The following RAD18 variants were observed in gnomAD, a reference collection of about 807,000 sequenced individuals.
RAD18 encodes RAD18 E3 ubiquitin protein ligase, also known as E3 ubiquitin-protein ligase RAD18.
In RAD18, 47 loss-of-function variants were observed where a neutral mutation model predicts 60.4. The ratio of observed to expected loss-of-function variants is 0.78; its 90% confidence interval spans 0.62 to 0.99. The LOEUF is 0.99. Ranked by LOEUF, RAD18 falls within the 50% of genes least tolerant of loss-of-function variation. RAD18 has a pLI of 0.00. For synonymous variants in RAD18, 225 were observed against 195.5 expected, an observed-to-expected ratio of 1.15 and a Z score of -1.26; for missense variants, 640 against 593.3, an observed-to-expected ratio of 1.08 and a Z score of -0.82.
Position 8,948,543 on chromosome 3 carries a change from A to T in RAD18, c.161T>A (p.Leu54Gln), listed in dbSNP as rs777525659. The T allele has an allele frequency of 6.2e-7, 1 of 1,613,010 alleles. No individual in the cohort carries two copies. Among genetic ancestry groups the T allele is most frequent in the Non-Finnish European group, 8.5e-7 (1 of 1,179,372 alleles). The change falls in exon 3 of 13, where the codon CTG becomes CAG. Residue 54 changes from leucine to glutamine, a missense_variant. Transcript: ENST00000264926. ...AGTTGGACACTGAGTTTTATAGGAC[A>T]GAAATTTTCTTATACAGAGAGAGCA... is the stretch of plus-strand genomic sequence containing the variant. Reference protein sequence around the residue: ...NYCSLCIRKFLSYKTQCPTCC... With the variant: ...NYCSLCIRKFQSYKTQCPTCC...
chr3:8,961,021 G>A (rs964690682), intron 1 of RAD18, among the ~76,000 whole-genome samples: 1 of 152,122 alleles, frequency 6.6e-6, no homozygotes, highest in Admixed American at 6.5e-5. Context: ...AAATCTAAAG[G>A]GTTATGTTCA....
Position 8,958,977 on chromosome 3 carries a change from C to T in RAD18, c.76G>A (p.Gly26Arg). Reference sequence around the variant, plus strand: ...ATGTTGAAATACTCGAAGCAAATTCCACACCGCAGCAAATCATCTATTGTC... The same window carrying T: ...ATGTTGAAATACTCGAAGCAAATTCTACACCGCAGCAAATCATCTATTGTC... Reference protein sequence around the residue: ...MKTIDDLLRCGICFEYFNIAM... With the variant: ...MKTIDDLLRCRICFEYFNIAM... The change falls in exon 2 of 13, where the codon GGA (glycine) becomes AGA (arginine). Residue 26 changes from glycine (G) to arginine (R), a missense_variant. By Grantham distance (125) the Gly-to-Arg change is moderately radical. Transcript: ENST00000264926. 2.5e-6 allele frequency: 4 copies of T among 1,613,578 alleles called. No individual in the cohort carries two copies. The highest frequency in any genetic ancestry group is 3.3e-4 in the Middle Eastern group (2 of 6,060).
chr3:8,895,745 A>C (rs562664432), intron 11 of RAD18, among the ~76,000 whole-genome samples: 1 of 152,284 alleles, frequency 6.6e-6, no homozygotes, highest in African/African-American at 2.4e-5. Flanking sequence ...CTTTGTTCCC[A>C]TCCAACCTGT....
intron 2 of RAD18, among the ~76,000 whole-genome samples, chr3:8,948,948 A>C (rs901748363): frequency 6.6e-6 from 1 of 152,196 alleles, no homozygotes; most frequent in Non-Finnish European, 1.5e-5. Context: ...CATATTAAGA[A>C]AAAATATATA....
rs1939379609 is a variant in RAD18, at chr3:8,877,420, C to G, written c.*3937G>C. The G allele has an allele frequency of 1.3e-5, 2 of 152,220 alleles. No individual in the cohort carries two copies. The highest frequency in any genetic ancestry group is 4.8e-5 in the African/African-American group (2 of 41,456). The allele number at this position is 152,220 out of a possible 1,614,324, so 9.4% of individuals were successfully genotyped here. ...CCTTTTAGAAGGACCGTGACCCCATCTATAAGAGCTGTGCCCTCACGACTT... is the reference window on the plus strand; with the variant it reads ...CCTTTTAGAAGGACCGTGACCCCATGTATAAGAGCTGTGCCCTCACGACTT... On this transcript the variant is annotated 3_prime_UTR_variant, in exon 13 of 13. Transcript: ENST00000264926.
At chr3:8,881,781 C>A (rs1205060980) in intron 12 of RAD18, among the ~76,000 whole-genome samples, 3 of 152,120 alleles carry the variant, frequency 2.0e-5, no homozygotes, top group Non-Finnish European at 4.4e-5. Context: ...AAAAGCCAGA[C>A]AGTCTAACAA....
At chr3:8,898,818 A>G (rs890618015) in intron 11 of RAD18, 76 bp downstream of exon 11, 11 of 1,269,260 alleles carry the variant, frequency 8.7e-6, no homozygotes, top group East Asian at 4.9e-5. Context: ...GCTACATTCT[A>G]ATTATTTCTG....
At chr3:8,887,784 A>G (rs1939595484) in intron 12 of RAD18, among the ~76,000 whole-genome samples, 1 of 152,158 alleles carries the variant, frequency 6.6e-6, no homozygotes, top group African/African-American at 2.4e-5. Flanking sequence ...ATATATTATG[A>G]TGCTTTGACA....
At chr3:8,930,609 A>G (rs1396867267) in intron 7 of RAD18, among the ~76,000 whole-genome samples, 1 of 152,220 alleles carries the variant, frequency 6.6e-6, no homozygotes, top group Admixed American at 6.5e-5. Context: ...GTTATAAATC[A>G]TATCACAAAA....
chr3:8,937,498 G>T (rs867546054), intron 6 of RAD18, among the ~76,000 whole-genome samples: 23 of 150,038 alleles, frequency 1.5e-4, no homozygotes, highest in South Asian at 8.3e-4. Context: ...TTCTGACATG[G>T]TTTTATATAG....
At chr3:8,901,288 C>A (rs546799146) in intron 10 of RAD18, among the ~76,000 whole-genome samples, 2 of 152,286 alleles carry the variant, frequency 1.3e-5, no homozygotes, top group South Asian at 4.1e-4. Flanking sequence ...AGGTTCTAAA[C>A]ATAGAACCAG....
chr3:8,920,274 G>C (rs1280090460), intron 7 of RAD18, among the ~76,000 whole-genome samples: 1 of 110,786 alleles, frequency 9.0e-6, no homozygotes, highest in Admixed American at 1.0e-4. Context: ...GCGAGACTCC[G>C]TCTCAAAAAA....
At chr3:8,921,319 G>T (rs898375813) in intron 7 of RAD18, among the ~76,000 whole-genome samples, 5 of 152,100 alleles carry the variant, frequency 3.3e-5, no homozygotes, top group African/African-American at 1.2e-4. Flanking sequence ...ACAAACAGAA[G>T]CTGAGAGAAT....
Position 8,920,100 on chromosome 3 carries a change from G to A in RAD18, c.890-6380C>T, listed in dbSNP as rs188539656. 5.9e-5 allele frequency among the ~76,000 whole-genome samples: 9 copies of A among 152,184 alleles called. 1 individual carries two copies. In the East Asian group the frequency reaches 1.7e-3, roughly 29 times the overall value. On this transcript the variant is annotated intron_variant, in intron 7 of 12. Transcript: ENST00000264926. The stretch of plus-strand genomic sequence containing the variant: ...GATTGAGACCTTCCTGGCTAACACG[G>A]TGAAATGCCATCTTTACTAAAAATA...
At chr3:8,916,295 G>A (rs1176574773) in intron 7 of RAD18, among the ~76,000 whole-genome samples, 1 of 152,144 alleles carries the variant, frequency 6.6e-6, no homozygotes, top group Non-Finnish European at 1.5e-5. Flanking sequence ...ACCTGCCTAA[G>A]ACTGAAGCTA....
intron 10 of RAD18, 42 bp downstream of exon 10, chr3:8,902,338 A>T (rs533655991): frequency 2.7e-5 from 39 of 1,434,822 alleles, no homozygotes; most frequent in Non-Finnish European, 3.6e-5. Flanking sequence ...AAAGTAAATA[A>T]TGAAATTCGA....
intron 7 of RAD18, among the ~76,000 whole-genome samples, chr3:8,926,252 T>C (rs1201191118): frequency 6.6e-6 from 1 of 152,176 alleles, no homozygotes; most frequent in Non-Finnish European, 1.5e-5. Flanking sequence ...ATCACAAGCA[T>C]TCTTATACAC....
intron 11 of RAD18, among the ~76,000 whole-genome samples, chr3:8,895,054 C>T (rs951719937): frequency 5.3e-5 from 8 of 151,892 alleles, no homozygotes; most frequent in Admixed American, 2.0e-4. Context: ...TGTGTCCGGC[C>T]GAAGCTCTTT....
At chr3:8,958,856 TA>T (rs1941052356) in intron 2 of RAD18, 63 bp downstream of exon 2, 2 of 1,281,318 alleles carry the variant, frequency 1.6e-6, no homozygotes, top group African/African-American at 2.9e-5. Flanking sequence ...TCTTTGGTGT[TA>T]AATTAACACT....
Sources: gnomAD v4.1 joint callset for allele counts (sites outside exome capture counted in the v4.1 genomes callset) on GRCh38, gnomAD v4.1.1 for gene constraint, MANE v1.5 for transcripts, NCBI Gene and HGNC (gene_info 2026-07-23, HGNC 2026-07-21) for gene names.